The following BBS7 variants were observed in gnomAD, a reference collection of about 807,000 sequenced individuals.
BBS7 encodes Bardet-Biedl syndrome 7.
BBS7 carries 50 observed loss-of-function variants against 90.3 expected under a neutral mutation model. The ratio of observed to expected loss-of-function variants is 0.55; its 90% CI spans 0.44 to 0.70. The LOEUF is 0.70. Ranked by LOEUF, BBS7 falls within the 30% of genes least tolerant of loss-of-function variation. The pLI is 0.00. For synonymous variants in BBS7, 235 were observed against 287.4 expected, an observed-to-expected ratio of 0.82 and a Z score of 1.85; for missense variants, 729 against 838.9, an observed-to-expected ratio of 0.87 and a Z score of 1.62.
intron 17 of BBS7, 61 bp downstream of exon 17, chr4:121,828,341 A>C: frequency 6.3e-7 from 1 of 1,592,812 alleles, no homozygotes; most frequent in Non-Finnish European, 8.6e-7. Context: ...AGTATTGATA[A>C]TTTTAGAAAT....
At chr4:121,830,171 G>A (rs1300558666) in intron 15 of BBS7, among the ~76,000 whole-genome samples, 1 of 152,224 alleles carries the variant, frequency 6.6e-6, no homozygotes, top group East Asian at 1.9e-4. Context: ...GGAGGCCAAG[G>A]CGGGCAGATC....
Position 121,826,001 on chromosome 4 carries a change from G to T in BBS7, c.2015-8C>A. The T allele has an allele frequency of 6.3e-7, 1 of 1,585,068 alleles. No homozygotes were observed. Among genetic ancestry groups the T allele is most frequent in the Non-Finnish European group, 8.6e-7 (1 of 1,157,398 alleles). On this transcript the variant is annotated splice_polypyrimidine_tract_variant and splice_region_variant and intron_variant, in intron 18 of 18. Transcript: ENST00000264499. ...AAAGATCAGTGATCATGCCTTTAAA[G>T]AAAAAACATAAATTTCCTGTCAGTG...
In BBS7 at chr4:121,833,333, A is replaced by G; in HGVS notation, c.1574T>C (p.Val525Ala). ...TTCTGGAACTTCAGGCAGACAAAAA[A>G]CCACCCAGGAGTGAACTTCAGCAAA... The part of the protein sequence containing the change: ...FSFAEVHSWV[V>A]FCLPEVPEKP... The change falls in exon 15 of 19, where the codon GTT (valine) becomes GCT (alanine). Residue 525 changes from valine (V) to alanine (A), a missense_variant. By Grantham distance (64) the Val-to-Ala change is moderately conservative. Coordinates refer to ENST00000264499, the MANE Select transcript of BBS7 (RefSeq NM_176824.3). 1 of 1,614,012 alleles carries G rather than the reference A, an allele frequency of 6.2e-7. No homozygotes were observed. The highest frequency in any genetic ancestry group is 8.5e-7 in the Non-Finnish European group (1 of 1,179,942).
chr4:121,855,304 C>G (rs568955843), intron 6 of BBS7, 185 bp downstream of exon 6: 25 of 562,582 alleles, frequency 4.4e-5, no homozygotes, highest in Non-Finnish European at 6.5e-5. Flanking sequence ...TGAGACCCTG[C>G]CCCCCAGCCC....
rs112217585 is a variant in BBS7, at chr4:121,844,081, C to A, written c.1231-80G>T. ...ATAAATTATGTTTTCTCTAAGAGTT[C>A]TCCTTAGTTCTAGTTTATATTCATC... On this transcript the variant is annotated intron_variant, in intron 11 of 18. Transcript: ENST00000264499. 2.2e-4 allele frequency: 190 copies of A among 850,970 alleles called. No individual in the cohort carries two copies. In the African/African-American group the frequency reaches 2.6e-3, roughly 12 times the overall value. 52.7% of individuals were successfully genotyped at this position (850,970 alleles called of 1,614,324 possible). A position where few individuals can be genotyped will look rare whatever the true frequency, so the allele number is the denominator to read the frequency against.
rs56159666 is a variant in BBS7 at position 121,861,724 on chromosome 4, G to A, written c.166-45C>T. ...AAAAAAGTACACAAATTACTTTATT[G>A]TGAGCATTTTTTCCTTTACAATAGA... On this transcript the variant is annotated intron_variant, in intron 3 of 18. Coordinates refer to ENST00000264499, the MANE Select transcript of BBS7 (RefSeq NM_176824.3). The A allele has an allele frequency of 0.3, 486,495 of 1,599,604 alleles. 76,088 individuals are homozygous for A. Among genetic ancestry groups the A allele is most frequent in the South Asian group, 0.32 (28,730 of 90,260 alleles).
chr4:121,870,304 T>G lies in BBS7; in HGVS notation c.10A>C (p.Ile4Leu). Residue 4 changes from isoleucine (I) to leucine (L), a missense_variant, in exon 1 of 19, where the codon ATT (isoleucine) becomes CTT (leucine). Coordinates refer to ENST00000264499, the MANE Select transcript of BBS7 (RefSeq NM_176824.3). The part of the protein sequence containing the change: MDL[I>L]LNRMDYLQVG... ...TGCAGATAATCCATTCGGTTTAAAATCAGATCCATGATGACTACGCGGAGG... is the reference window on the plus strand; with the variant it reads ...TGCAGATAATCCATTCGGTTTAAAAGCAGATCCATGATGACTACGCGGAGG... 6.2e-7 allele frequency: 1 copy of G among 1,614,020 alleles called. No homozygotes were observed. Among genetic ancestry groups the G allele is most frequent in the Non-Finnish European group, 8.5e-7 (1 of 1,179,978 alleles).
intron 13 of BBS7, among the ~76,000 whole-genome samples, chr4:121,835,657 GATA>G (rs1237539553): frequency 6.6e-6 from 1 of 152,084 alleles, no homozygotes; most frequent in African/African-American, 2.4e-5. Flanking sequence ...GATAAGAAAA[GATA>G]ATAAGTACAG....
intron 12 of BBS7, among the ~76,000 whole-genome samples, chr4:121,842,577 A>T (rs907780433): frequency 1.3e-5 from 2 of 152,080 alleles, no homozygotes; most frequent in Non-Finnish European, 2.9e-5. Flanking sequence ...TCGAGGCTGC[A>T]GCGAGCCATG....
At chr4:121,852,919 CAAAT>C (rs767229247) in intron 8 of BBS7, 33 bp downstream of exon 8, 79 of 1,599,190 alleles carry the variant, frequency 4.9e-5, no homozygotes, top group Non-Finnish European at 9.4e-6. Context: ...AATAATTTGA[CAAAT>C]AATAAGCATA....
chr4:121,858,700 C>A, intron 5 of BBS7: 2 of 278,330 alleles, frequency 7.2e-6, no homozygotes, highest in South Asian at 5.1e-5. Context: ...AACAAAAAGG[C>A]AGGTAAAGGT....
At chr4:121,841,007 G>T (rs1187041610) in intron 12 of BBS7, among the ~76,000 whole-genome samples, 1 of 151,816 alleles carries the variant, frequency 6.6e-6, no homozygotes, top group East Asian at 1.9e-4. Flanking sequence ...CCAGCTACTT[G>T]TTATGTATTT....
chr4:121,851,535 T>C (rs1172217760), intron 8 of BBS7, among the ~76,000 whole-genome samples: 1 of 151,944 alleles, frequency 6.6e-6, no homozygotes, highest in Non-Finnish European at 1.5e-5. Context: ...TCCTGGGCAA[T>C]ATAGTATGGA....
chr4:121,853,892 G>A (rs865909375), intron 7 of BBS7, among the ~76,000 whole-genome samples: 5 of 152,076 alleles, frequency 3.3e-5, no homozygotes, highest in African/African-American at 9.7e-5. Flanking sequence ...CCATGTTAAC[G>A]CATTTAGCCA....
intron 5 of BBS7, among the ~76,000 whole-genome samples, chr4:121,857,806 TTC>T (rs1351589179): frequency 4.3e-4 from 31 of 72,258 alleles, no homozygotes; most frequent in African/African-American, 2.2e-3. Flanking sequence ...CTTTTTTCTT[TTC>T]TTTTTTTTTT....
At chr4:121,852,293 C>CT (rs777399355) in intron 8 of BBS7, among the ~76,000 whole-genome samples, 2 of 151,856 alleles carry the variant, frequency 1.3e-5, no homozygotes, top group African/African-American at 2.4e-5. Flanking sequence ...GTTGTGAACT[C>CT]TTTTTTTTCT....
rs536227211 is a variant in BBS7, at chr4:121,867,229, G to T, written c.102+752C>A. On this transcript the variant is annotated intron_variant, in intron 2 of 18. Coordinates refer to ENST00000264499, the MANE Select transcript of BBS7 (RefSeq NM_176824.3). Reference sequence around the variant, plus strand: ...TCTTGATTTCTTTTTCAGCTAGTTTGTTGTGTATAGAAACACTACTAATTT... The same window carrying T: ...TCTTGATTTCTTTTTCAGCTAGTTTTTTGTGTATAGAAACACTACTAATTT... Among the ~76,000 whole-genome samples the T allele has an allele frequency of 6.3e-4, 96 of 151,890 alleles. 1 individual carries two copies. The highest frequency in any genetic ancestry group is 2.2e-3 in the African/African-American group (91 of 41,480).
chr4:121,841,417 T>G (rs948742384), intron 12 of BBS7, among the ~76,000 whole-genome samples: 2 of 151,896 alleles, frequency 1.3e-5, no homozygotes, highest in African/African-American at 2.4e-5. Context: ...TAAAAAAAAT[T>G]AGCTGGGCAT....
chr4:121,826,026 G>T (rs780357770), intron 18 of BBS7, 33 bp from the exon 19 acceptor site: 2 of 1,528,902 alleles, frequency 1.3e-6, no homozygotes, highest in Non-Finnish European at 1.8e-6. Flanking sequence ...TCCTGTCAGT[G>T]ATTAGTTATA....
Sources: allele counts gnomAD v4.1 joint callset (sites outside exome capture counted in the v4.1 genomes callset), GRCh38; gene constraint gnomAD v4.1.1; transcripts MANE v1.5; gene names NCBI Gene and HGNC (gene_info 2026-07-23, HGNC 2026-07-21).